The following BCAR3 variants were observed in gnomAD, a reference collection of about 807,000 sequenced individuals.
BCAR3 encodes the protein BCAR3 adaptor protein, NSP family member, also known as breast cancer anti-estrogen resistance protein 3.
BCAR3 carries 37 observed loss-of-function variants against 80.1 expected under a neutral mutation model. The ratio of observed to expected loss-of-function variants is 0.46; its 90% CI spans 0.36 to 0.61. The LOEUF (loss-of-function observed/expected upper bound fraction) is 0.61. Among genes scored for constraint, BCAR3 ranks in the 20% least tolerant of loss-of-function variants. The pLI is 0.00. For synonymous variants in BCAR3, 389 were observed against 418.9 expected, an observed-to-expected ratio of 0.93 and a Z score of 0.87; for missense variants, 978 against 1,068.2, an observed-to-expected ratio of 0.92 and a Z score of 1.18.
intron 2 of BCAR3, among the ~76,000 whole-genome samples, chr1:93,719,334 GT>G (rs1217381018): frequency 1.8e-3 from 135 of 73,190 alleles, no homozygotes; most frequent in African/African-American, 4.9e-3. Context: ...AAACTTTCTT[GT>G]TTTTTTTTTT....
At chr1:93,822,823 A>T (rs1409073649) in intron 2 of BCAR3, among the ~76,000 whole-genome samples, 1 of 80,030 alleles carries the variant, frequency 1.2e-5, no homozygotes. Context: ...CTACCCATCA[A>T]CTCATCACCA....
intron 2 of BCAR3, among the ~76,000 whole-genome samples, chr1:93,661,760 A>T (rs1647673800): frequency 6.6e-6 from 1 of 152,216 alleles, no homozygotes; most frequent in Non-Finnish European, 1.5e-5. Context: ...AAGTGTTGGG[A>T]TTACAGGTGT....
Position 93,786,262 on chromosome 1 carries a change from T to C in BCAR3, c.-63+59305A>G, listed in dbSNP as rs566092025. ...CTTGCTCCCTGGGAATGCTCATACC[T>C]GTAACCCAGCCTCAATACTATGAGG... On this transcript the variant is annotated intron_variant, in intron 2 of 13. Coordinates refer to the BCAR3 transcript ENST00000370244. Among the ~76,000 whole-genome samples, 5 of 147,726 alleles carry C rather than the reference T, an allele frequency of 3.4e-5. 1 individual carries two copies. The South Asian group carries it at 1.1e-3, about 33-fold the overall frequency.
chr1:93,758,344 C>T (rs1651817099), intron 2 of BCAR3, among the ~76,000 whole-genome samples: 1 of 152,190 alleles, frequency 6.6e-6, no homozygotes, highest in Non-Finnish European at 1.5e-5. Context: ...CCAGGGAGCC[C>T]TGCCAGTGGC....
At chr1:93,639,637 C>T (rs1243871023) in intron 3 of BCAR3, among the ~76,000 whole-genome samples, 6 of 152,056 alleles carry the variant, frequency 3.9e-5, no homozygotes, top group East Asian at 3.9e-4. Flanking sequence ...CCACCACACC[C>T]GGCTAATTTT....
At chr1:93,657,988 A>T (rs1647469573) in intron 2 of BCAR3, among the ~76,000 whole-genome samples, 1 of 149,260 alleles carries the variant, frequency 6.7e-6, no homozygotes, top group Admixed American at 6.7e-5. Context: ...CTCTGTCACC[A>T]GGAGTGCAGT....
At chr1:93,760,150 A>G (rs1400779820) in intron 2 of BCAR3, among the ~76,000 whole-genome samples, 1 of 152,166 alleles carries the variant, frequency 6.6e-6, no homozygotes, top group African/African-American at 2.4e-5. Flanking sequence ...GAATGAATGA[A>G]TAAATGTGGC....
intron 2 of BCAR3, among the ~76,000 whole-genome samples, chr1:93,647,999 C>T (rs1367090423): frequency 3.3e-5 from 5 of 152,116 alleles, no homozygotes; most frequent in Non-Finnish European, 5.9e-5. Flanking sequence ...GTCTTGAACT[C>T]CTGACCTCAA....
chr1:93,711,586 T>G (rs1449565471), intron 2 of BCAR3, among the ~76,000 whole-genome samples: 1 of 152,094 alleles, frequency 6.6e-6, no homozygotes, highest in Admixed American at 6.6e-5. Context: ...TAGACTCAAC[T>G]TTAATGGAAG....
At chr1:93,733,614 A>C (rs748945464) in intron 2 of BCAR3, among the ~76,000 whole-genome samples, 4 of 152,248 alleles carry the variant, frequency 2.6e-5, no homozygotes, top group Non-Finnish European at 5.9e-5. Context: ...AACACAGGTC[A>C]GTACCCTTTT....
intron 2 of BCAR3, among the ~76,000 whole-genome samples, chr1:93,669,012 C>T (rs1473952868): frequency 6.6e-6 from 1 of 152,020 alleles, no homozygotes; most frequent in African/African-American, 2.4e-5. Flanking sequence ...CGCACCCGGC[C>T]CAAGATTTTT....
intron 2 of BCAR3, chr1:93,723,543 G>A (rs1288388693): frequency 6.6e-6 from 1 of 152,274 alleles, no homozygotes; most frequent in Non-Finnish European, 1.5e-5. Context: ...GAGTCTCCTG[G>A]GAAGAGCACA....
intron 2 of BCAR3, among the ~76,000 whole-genome samples, chr1:93,759,823 C>T (rs1490751592): frequency 6.7e-6 from 1 of 148,488 alleles, no homozygotes; most frequent in Non-Finnish European, 1.5e-5. Context: ...AGACCAGTGG[C>T]TCATTTTTCC....
chr1:93,601,900 G>A lies in BCAR3; in HGVS notation c.358-9507C>T, dbSNP rs538287822. Among the ~76,000 whole-genome samples the A allele has an allele frequency of 2.0e-5, 3 of 152,224 alleles. No individual in the cohort carries two copies. In the South Asian group the frequency reaches 6.2e-4, roughly 32 times the overall value. On this transcript the variant is annotated intron_variant, in intron 3 of 11. Transcript: ENST00000260502. ...GCTCCAACACCCGGAATGCTATCAG[G>A]GTTCTCAAACAAAAGCCTCCTTTCT...
chr1:93,842,979 A>G (rs1463058375), intron 2 of BCAR3, among the ~76,000 whole-genome samples: 2 of 152,170 alleles, frequency 1.3e-5, no homozygotes, highest in African/African-American at 4.8e-5. Flanking sequence ...AAAGCCCTTC[A>G]TTTCAATGTT....
intron 2 of BCAR3, among the ~76,000 whole-genome samples, chr1:93,802,448 AC>A (rs1298167473): frequency 6.6e-6 from 1 of 152,234 alleles, no homozygotes; most frequent in African/African-American, 2.4e-5. Flanking sequence ...ATAATTTCTT[AC>A]AGCTAGACTA....
intron 2 of BCAR3, among the ~76,000 whole-genome samples, chr1:93,645,354 G>A (rs1277031970): frequency 1.3e-5 from 2 of 152,108 alleles, no homozygotes; most frequent in African/African-American, 4.8e-5. Context: ...TGAGTACTCT[G>A]TAGGTTTTAT....
chr1:93,696,053 T>G (rs1044377956), intron 3 of BCAR3, among the ~76,000 whole-genome samples: 4 of 151,976 alleles, frequency 2.6e-5, no homozygotes, highest in African/African-American at 9.7e-5. Flanking sequence ...TTTTTTTTTT[T>G]TTCTTGAGAC....
intron 7 of BCAR3, among the ~76,000 whole-genome samples, chr1:93,579,613 G>A (rs969255651): frequency 9.2e-5 from 14 of 152,164 alleles, no homozygotes; most frequent in Admixed American, 3.3e-4. Context: ...GCTACCAAAG[G>A]TAGTGGGCAG....
Sources: allele counts gnomAD v4.1 joint callset (sites outside exome capture counted in the v4.1 genomes callset), GRCh38; gene constraint gnomAD v4.1.1; transcripts MANE v1.5; gene names NCBI Gene and HGNC (gene_info 2026-07-23, HGNC 2026-07-21).